The following DCC variants were observed in gnomAD, a reference collection of about 807,000 sequenced individuals.
DCC encodes DCC netrin 1 receptor.
DCC carries 58 observed loss-of-function variants against 172.5 expected under a neutral mutation model. That is an observed-to-expected ratio of 0.34 (90% CI 0.27 to 0.42). DCC has a LOEUF of 0.42. DCC is among the 10% of genes least tolerant of loss of function. The pLI, the probability that DCC is intolerant of heterozygous loss-of-function variation, is 1.00. For synonymous variants in DCC, 709 were observed against 644.5 expected (o/e 1.10, Z -1.52); for missense variants, 1,740 against 1,791.0 (o/e 0.97, Z 0.51).
rs1200533017 is a variant in DCC, at chr18:53,211,731, A to G, written c.1862-3817A>G. Reference sequence around the variant, plus strand: ...AGAGCGAGACTCTGTCTCAAAAATAAAATAAAATAAAATAAATATAAAATA... The same window carrying G: ...AGAGCGAGACTCTGTCTCAAAAATAGAATAAAATAAAATAAATATAAAATA... On this transcript the variant is annotated intron_variant, in intron 11 of 28. Coordinates refer to ENST00000442544, the MANE Select transcript of DCC (RefSeq NM_005215.4). Among the ~76,000 whole-genome samples, 10 of 152,110 alleles carry G rather than the reference A, an allele frequency of 6.6e-5. No homozygotes were observed. In the East Asian group the frequency reaches 1.7e-3, roughly 26 times the overall value.
intron 21 of DCC, among the ~76,000 whole-genome samples, chr18:53,433,902 T>C (rs1911785829): frequency 6.6e-6 from 1 of 152,218 alleles, no homozygotes. Flanking sequence ...ACTGAATTAA[T>C]TTATCTTATT....
intron 27 of DCC, among the ~76,000 whole-genome samples, chr18:53,509,761 C>T (rs531650412): frequency 6.6e-6 from 1 of 152,274 alleles, no homozygotes; most frequent in Middle Eastern, 3.4e-3. Context: ...TTTGTCATCA[C>T]CCTCAATGTA....
intron 1 of DCC, among the ~76,000 whole-genome samples, chr18:52,600,051 G>T (rs1598945797): frequency 6.6e-6 from 1 of 151,948 alleles, no homozygotes; most frequent in Non-Finnish European, 1.5e-5. Flanking sequence ...CTTTATTTCT[G>T]CCTTGTTTAT....
chr18:53,436,943 G>T (rs368937366), intron 22 of DCC, among the ~76,000 whole-genome samples: 1 of 152,138 alleles, frequency 6.6e-6, no homozygotes, highest in Non-Finnish European at 1.5e-5. Flanking sequence ...TGGAAAGGGT[G>T]AGCAAGCTCC....
At chr18:53,020,205 A>G (rs775660929) in intron 5 of DCC, among the ~76,000 whole-genome samples, 3 of 152,186 alleles carry the variant, frequency 2.0e-5, no homozygotes, top group Non-Finnish European at 4.4e-5. Flanking sequence ...TTCAAATAAA[A>G]AAAACCCAAA....
chr18:53,104,934 C>G (rs1420638432), intron 7 of DCC, among the ~76,000 whole-genome samples: 1 of 152,022 alleles, frequency 6.6e-6, no homozygotes, highest in Non-Finnish European at 1.5e-5. Context: ...AAAATGAATA[C>G]ACCACATGGG....
At chr18:52,617,481 A>G (rs1173533829) in intron 1 of DCC, among the ~76,000 whole-genome samples, 1 of 152,196 alleles carries the variant, frequency 6.6e-6, no homozygotes, top group Admixed American at 6.5e-5. Context: ...ATTTGAGATG[A>G]GGACACAGGA....
At chr18:52,473,987 C>CT (rs1023742927) in intron 1 of DCC, among the ~76,000 whole-genome samples, 7 of 150,936 alleles carry the variant, frequency 4.6e-5, no homozygotes, top group East Asian at 3.9e-4. Context: ...GGCCACATTT[C>CT]TTTTTTTTTA....
At chr18:53,385,564 T>A (rs543192157) in intron 15 of DCC, among the ~76,000 whole-genome samples, 26 of 152,320 alleles carry the variant, frequency 1.7e-4, no homozygotes, top group African/African-American at 6.3e-4. Context: ...GAGAGGAGAC[T>A]TTGCAGGTCA....
chr18:52,981,606 A>G (rs1193591073), intron 5 of DCC, among the ~76,000 whole-genome samples: 1 of 152,162 alleles, frequency 6.6e-6, no homozygotes, highest in African/African-American at 2.4e-5. Context: ...GTTGCCAACA[A>G]TATATATTTA....
chr18:52,358,807 C>T (rs1352169597), intron 1 of DCC, among the ~76,000 whole-genome samples: 2 of 152,150 alleles, frequency 1.3e-5, no homozygotes, highest in African/African-American at 4.8e-5. Context: ...TTCATGTCCC[C>T]AGGCAGCCAC....
intron 2 of DCC, among the ~76,000 whole-genome samples, chr18:52,763,321 G>T (rs1785253348): frequency 6.6e-6 from 1 of 152,138 alleles, no homozygotes; most frequent in African/African-American, 2.4e-5. Context: ...TTATTGGATT[G>T]GATTTTTGTG....
At chr18:52,829,483 T>C (rs2038572477) in intron 2 of DCC, among the ~76,000 whole-genome samples, 1 of 152,158 alleles carries the variant, frequency 6.6e-6, no homozygotes, top group African/African-American at 2.4e-5. Flanking sequence ...GTGAAATGCC[T>C]CCAGAGAGAT....
At chr18:52,608,972 C>T (rs2034193696) in intron 1 of DCC, among the ~76,000 whole-genome samples, 5 of 152,134 alleles carry the variant, frequency 3.3e-5, no homozygotes, top group Admixed American at 3.3e-4. Context: ...CAGCAAATCC[C>T]ATAAACTCCA....
chr18:52,369,163 C>T (rs532396084), intron 1 of DCC, among the ~76,000 whole-genome samples: 6 of 152,254 alleles, frequency 3.9e-5, no homozygotes, highest in South Asian at 4.1e-4. Flanking sequence ...TTCTCAAAAA[C>T]GAGGACAAAA....
chr18:52,539,389 G>A (rs1033904988), intron 1 of DCC, among the ~76,000 whole-genome samples: 10 of 152,188 alleles, frequency 6.6e-5, no homozygotes, highest in African/African-American at 2.4e-4. Flanking sequence ...CCGTGGACTA[G>A]TATTGGTCCA....
At chr18:52,713,817 G>T (rs73957622) in intron 1 of DCC, among the ~76,000 whole-genome samples, 2,282 of 152,268 alleles carry the variant, frequency 0.015, 54 homozygotes, top group African/African-American at 0.052. Context: ...GTGTGATACA[G>T]GGAAGCACTT....
At chr18:52,400,021 T>C (rs1986377201) in intron 1 of DCC, among the ~76,000 whole-genome samples, 1 of 152,020 alleles carries the variant, frequency 6.6e-6, no homozygotes, top group Non-Finnish European at 1.5e-5. Flanking sequence ...TTATACCAAA[T>C]ACCATTCTAT....
At chr18:53,179,356 CA>C (rs1344392827) in intron 9 of DCC, among the ~76,000 whole-genome samples, 1 of 152,158 alleles carries the variant, frequency 6.6e-6, no homozygotes. Context: ...TCTATCTATG[CA>C]GTCTACTTAT....
Sources: allele counts gnomAD v4.1 joint callset (sites outside exome capture counted in the v4.1 genomes callset), GRCh38; gene constraint gnomAD v4.1.1; transcripts MANE v1.5; gene names NCBI Gene and HGNC (gene_info 2026-07-23, HGNC 2026-07-21).